STARD6: variants seen among roughly 807,000 people sequenced by gnomAD.
STARD6 encodes StAR related lipid transfer domain containing 6, also known as stAR-related lipid transfer protein 6.
Under a neutral mutation model 22.3 loss-of-function variants are expected in STARD6, and 21 were observed. That is an observed-to-expected ratio of 0.94 (90% CI 0.67 to 1.35). STARD6 has a LOEUF of 1.35. STARD6 is among the 40% of genes most tolerant of loss of function. The probability of loss-of-function intolerance (pLI) is 0.00; values close to 1 mark genes in which losing one functional copy is unlikely to be tolerated. For synonymous variants in STARD6, 80 were observed against 88.1 expected, an observed-to-expected ratio of 0.91 and a Z score of 0.52; for missense variants, 269 against 266.9, an observed-to-expected ratio of 1.01 and a Z score of -0.05.
At chr18:54,344,877 G>A (rs1177614662) in intron 4 of STARD6, among the ~76,000 whole-genome samples, 1 of 152,178 alleles carries the variant, frequency 6.6e-6, no homozygotes, top group African/African-American at 2.4e-5. Flanking sequence ...CATAGAATGA[G>A]GGGTATAGGG....
At chr18:54,335,325 G>T (rs533238482) in intron 5 of STARD6, among the ~76,000 whole-genome samples, 6 of 152,090 alleles carry the variant, frequency 3.9e-5, no homozygotes, top group African/African-American at 1.4e-4. Context: ...CTCCCGAGTA[G>T]CTGGGGTCAC....
In STARD6 at chr18:54,331,754, T is replaced by A; in HGVS notation, c.373A>T (p.Asn125Tyr). The A allele has an allele frequency of 6.2e-7, 1 of 1,608,610 alleles. No individual in the cohort carries two copies. Residue 125 changes from asparagine (N) to tyrosine (Y), a missense_variant, in exon 6 of 8, where the codon AAC (asparagine) becomes TAC (tyrosine). By Grantham distance (143) the Asn-to-Tyr change is moderately radical. Transcript: ENST00000307844. ...VYIKRYEGNM[N>Y]IISSKSVDFP... ...TGTTTCAACTTACAACTGATAATGT[T>A]CATATTTCCTTCGTAGCGCTTGATG... is the stretch of plus-strand genomic sequence containing the variant.
At chr18:54,357,190 T>C (rs1186880695) in intron 1 of STARD6, 1 of 152,216 alleles carries the variant, frequency 6.6e-6, no homozygotes, top group Non-Finnish European at 1.5e-5. Flanking sequence ...CACCAATTGG[T>C]TGAAACTGGA....
intron 7 of STARD6, among the ~76,000 whole-genome samples, chr18:54,326,840 A>C (rs536765176): frequency 1.3e-5 from 2 of 152,054 alleles, no homozygotes; most frequent in Non-Finnish European, 2.9e-5. Flanking sequence ...TATGTTAATA[A>C]ATTTTCTTTG....
intron 4 of STARD6, among the ~76,000 whole-genome samples, chr18:54,343,809 CGGG>C (rs2089008927): frequency 1.4e-5 from 1 of 69,490 alleles, no homozygotes; most frequent in African/African-American, 6.6e-5. Context: ...CCGCCCCGTC[CGGG>C]AGGTGAGGGG....
In STARD6 at chr18:54,354,542, G is replaced by A. The variant is rs767047425; in HGVS notation, c.32C>T (p.Ala11Val). The A allele has an allele frequency of 6.2e-7, 1 of 1,612,696 alleles. No homozygotes were observed. The highest frequency in any genetic ancestry group is 1.1e-5 in the South Asian group (1 of 90,660). The change falls in exon 3 of 8, where the codon GCC becomes GTC. Residue 11 changes from alanine to valine, a missense_variant. By Grantham distance (64) the Ala-to-Val change is moderately conservative. Transcript: ENST00000307844. Reference protein sequence around the residue: MDFKAIAQQTAQEVLGYNRDT... With the variant: MDFKAIAQQTVQEVLGYNRDT... ...TCGATTATAACCTAAAACTTCTTGG[G>A]CAGTTTGTTGGGCAATTGCCTTGAA...
At chr18:54,335,283 C>T (rs1206742087) in intron 5 of STARD6, among the ~76,000 whole-genome samples, 1 of 152,048 alleles carries the variant, frequency 6.6e-6, no homozygotes, top group African/African-American at 2.4e-5. Flanking sequence ...CAACCTCCGC[C>T]TCCTTGGTTC....
intron 4 of STARD6, among the ~76,000 whole-genome samples, chr18:54,352,393 C>T (rs940640038): frequency 5.3e-5 from 8 of 152,018 alleles, no homozygotes; most frequent in Admixed American, 5.2e-4. Flanking sequence ...AAAGAACTAG[C>T]CTGTGGTCCC....
chr18:54,337,389 AAT>A, intron 4 of STARD6, 138 bp from the exon 5 acceptor site: 4 of 629,114 alleles, frequency 6.4e-6, no homozygotes, highest in Non-Finnish European at 1.0e-5. Flanking sequence ...TCAGCAATTC[AAT>A]ATATTAATAT....
intron 6 of STARD6, among the ~76,000 whole-genome samples, chr18:54,330,929 A>T (rs2088860152): frequency 6.6e-6 from 1 of 152,120 alleles, no homozygotes; most frequent in Non-Finnish European, 1.5e-5. Context: ...ATCAGCCCTT[A>T]GTGGTATGCT....
At chr18:54,335,872 G>A (rs1022928285) in intron 5 of STARD6, among the ~76,000 whole-genome samples, 3 of 152,068 alleles carry the variant, frequency 2.0e-5, no homozygotes, top group African/African-American at 7.2e-5. Context: ...TGAGGCCTCC[G>A]AGTCATGCTT....
chr18:54,354,026 G>A (rs751482817), intron 4 of STARD6, 28 bp downstream of exon 4: 39 of 1,433,728 alleles, frequency 2.7e-5, no homozygotes, highest in Non-Finnish European at 3.7e-5. Context: ...ATTTAAAACA[G>A]TAATTGTAAA....
intron 4 of STARD6, among the ~76,000 whole-genome samples, chr18:54,345,215 A>G (rs1211775469): frequency 6.6e-6 from 1 of 152,212 alleles, no homozygotes; most frequent in South Asian, 2.1e-4. Context: ...TATAAAAATC[A>G]ATTGTATTTC....
At chr18:54,348,809 G>T (rs2089063526) in intron 4 of STARD6, among the ~76,000 whole-genome samples, 1 of 152,056 alleles carries the variant, frequency 6.6e-6, no homozygotes, top group Admixed American at 6.6e-5. Flanking sequence ...TTCTCTTCCA[G>T]GCAAATGCTT....
intron 4 of STARD6, among the ~76,000 whole-genome samples, chr18:54,342,603 CTGCGATTGCAG>C (rs1199593748): frequency 8.2e-6 from 1 of 122,382 alleles, no homozygotes; most frequent in Non-Finnish European, 1.7e-5. Context: ...TGCCGAGTGC[CTGCGATTGCAG>C]GCACGCGCCG....
rs111650524 is a variant in STARD6, at chr18:54,337,172, A to T, written c.220T>A (p.Trp74Arg). The T allele has an allele frequency of 1.6e-5, 26 of 1,613,366 alleles. No homozygotes were observed. Among genetic ancestry groups the T allele is most frequent in the Non-Finnish European group, 1.9e-5 (23 of 1,179,646 alleles). ...TTATACACTTGCAATGATTTATCCC[A>T]TGTAATTCTGTCTCCAGTTTGGTAG... Reference protein sequence around the residue: ...FLYQTGDRITWDKSLQVYNMV... With the variant: ...FLYQTGDRITRDKSLQVYNMV... The change falls in exon 5 of 8, where the codon TGG becomes AGG. Residue 74 changes from tryptophan to arginine, a missense_variant. By Grantham distance (101) the Trp-to-Arg change is moderately radical. Transcript: ENST00000307844.
chr18:54,349,661 C>T (rs1454449073), intron 4 of STARD6, among the ~76,000 whole-genome samples: 1 of 152,146 alleles, frequency 6.6e-6, no homozygotes, highest in Non-Finnish European at 1.5e-5. Flanking sequence ...CCTCCTCCCA[C>T]CCTTTCCCTG....
chr18:54,351,159 A>C (rs1193101040), intron 4 of STARD6, among the ~76,000 whole-genome samples: 11 of 152,130 alleles, frequency 7.2e-5, no homozygotes. Flanking sequence ...TTCTTTCAGC[A>C]GTGTTTTGCA....
At chr18:54,356,807 T>G (rs565933567) in intron 1 of STARD6, among the ~76,000 whole-genome samples, 2 of 152,330 alleles carry the variant, frequency 1.3e-5, no homozygotes, top group African/African-American at 4.8e-5. Context: ...TGATTTCCTA[T>G]TGGAAACCTA....
Sources: gnomAD v4.1 joint callset for allele counts (sites outside exome capture counted in the v4.1 genomes callset) on GRCh38, gnomAD v4.1.1 for gene constraint, MANE v1.5 for transcripts, NCBI Gene and HGNC (gene_info 2026-07-23, HGNC 2026-07-21) for gene names.